The following NSUN4 variants were observed in gnomAD, a reference collection of about 807,000 sequenced individuals.
The protein encoded by NSUN4 is NOP2/Sun RNA methyltransferase 4.
Under a neutral mutation model 43.8 loss-of-function variants are expected in NSUN4, and 31 were observed. The ratio of observed to expected loss-of-function variants is 0.71; its 90% CI spans 0.53 to 0.96. The LOEUF is 0.96. NSUN4 is among the 40% of genes least tolerant of loss of function. The pLI is 0.00. For synonymous variants in NSUN4, 167 were observed against 184.1 expected, an observed-to-expected ratio of 0.91 and a Z score of 0.75; for missense variants, 439 against 475.6, an observed-to-expected ratio of 0.92 and a Z score of 0.72.
chr1:46,349,098 C>A (rs1162977060), intron 3 of NSUN4, among the ~76,000 whole-genome samples: 2 of 151,066 alleles, frequency 1.3e-5, no homozygotes, highest in Non-Finnish European at 2.9e-5. Context: ...CAGGTGTGAA[C>A]CACCGCGCCC....
the NSUN4 span, among the ~76,000 whole-genome samples, chr1:46,382,218 C>T: frequency 1.3e-5 from 2 of 152,212 alleles, no homozygotes; most frequent in Non-Finnish European, 2.9e-5. Context: ...CACCTCCACC[C>T]GGGAGCCCCT....
intron 1 of NSUN4, chr1:46,343,824 C>A: frequency 2.5e-6 from 1 of 400,346 alleles, no homozygotes; most frequent in Non-Finnish European, 4.4e-6. Flanking sequence ...GGAACCGGAG[C>A]AAGAGTCCCC....
chr1:46,371,252 C>T, the NSUN4 span, among the ~76,000 whole-genome samples: 83 of 150,912 alleles, frequency 5.5e-4, no homozygotes, highest in African/African-American at 1.9e-3. Context: ...CTCAGCCTTT[C>T]GAGTAGCTGG....
At chr1:46,353,137 C>G in intron 4 of NSUN4, 109 bp downstream of exon 4, 1 of 1,035,744 alleles carries the variant, frequency 9.7e-7, no homozygotes, top group South Asian at 1.5e-5. Flanking sequence ...GCATGTAGAG[C>G]TGTTTCTGGA....
At chr1:46,383,556 C>T in the NSUN4 span, among the ~76,000 whole-genome samples, 60 of 150,054 alleles carry the variant, frequency 4.0e-4, no homozygotes, top group Admixed American at 1.3e-3. Flanking sequence ...CCCGGGTTCA[C>T]GCCATTCTCC....
At chr1:46,374,289 C>CAA in the NSUN4 span, among the ~76,000 whole-genome samples, 8,378 of 42,774 alleles carry the variant, frequency 0.2, 900 homozygotes, top group Non-Finnish European at 0.28. Context: ...TCTGTCTCAC[C>CAA]AAAAAAAAAA....
At position 46,340,927 on chromosome 1, in the gene NSUN4, C is replaced by G; in HGVS notation, c.93+8C>G. The G allele has an allele frequency of 6.2e-7, 1 of 1,609,294 alleles. No homozygotes were observed. ...CGATATAAGAAGAAATGGGTAAGGT[C>G]CGGCTGGGGGCGCAGGAGGGAAAAG... On this transcript the variant is annotated splice_region_variant and intron_variant, in intron 1 of 5. Transcript: ENST00000474844.
At chr1:46,375,859 C>A in the NSUN4 span, among the ~76,000 whole-genome samples, 1 of 151,850 alleles carries the variant, frequency 6.6e-6, no homozygotes, top group Admixed American at 6.6e-5. Flanking sequence ...GTAATCCCAG[C>A]ACTTTGAGAG....
At chr1:46,378,172 G>T in the NSUN4 span, among the ~76,000 whole-genome samples, 1 of 151,364 alleles carries the variant, frequency 6.6e-6, no homozygotes, top group Non-Finnish European at 1.5e-5. Flanking sequence ...GATTACAGGT[G>T]TGAGCTACCA....
the NSUN4 span, among the ~76,000 whole-genome samples, chr1:46,377,191 A>G: frequency 1.3e-5 from 2 of 152,004 alleles, no homozygotes; most frequent in African/African-American, 4.8e-5. Flanking sequence ...CTGGGATTAC[A>G]GGTGTGTGCC....
At chr1:46,343,357 AC>A (rs1336842589) in intron 1 of NSUN4, 7 of 399,732 alleles carry the variant, frequency 1.8e-5, no homozygotes, top group Non-Finnish European at 1.3e-5. Flanking sequence ...GTCCGGGCCT[AC>A]CCTGATACTG....
At chr1:46,375,736 CAAAAAAA>C in the NSUN4 span, among the ~76,000 whole-genome samples, 3 of 69,902 alleles carry the variant, frequency 4.3e-5, no homozygotes, top group African/African-American at 6.4e-5. Context: ...GACTCTGTCT[CAAAAAAA>C]AAAAAAAAAA....
the NSUN4 span, among the ~76,000 whole-genome samples, chr1:46,372,442 C>T: frequency 1.1e-3 from 164 of 152,190 alleles, no homozygotes; most frequent in African/African-American, 3.8e-3. Context: ...TGCACCTGGC[C>T]GCCTTTTTAC....
chr1:46,367,288 G>A (rs151236848), downstream of NSUN4, among the ~76,000 whole-genome samples: 1 of 152,248 alleles, frequency 6.6e-6, no homozygotes, highest in Non-Finnish European at 1.5e-5. Flanking sequence ...AGCTATCCTT[G>A]ATGCAGTGAC....
chr1:46,353,768 C>T (rs958419014), intron 4 of NSUN4, among the ~76,000 whole-genome samples: 5 of 147,780 alleles, frequency 3.4e-5, no homozygotes, highest in Admixed American at 1.3e-4. Context: ...TGAGCCACTG[C>T]GCCCAGCCGG....
Position 46,352,907 on chromosome 1 carries a change from C to T in NSUN4, c.632C>T (p.Ala211Val), listed in dbSNP as rs200170006. 5.3e-5 allele frequency: 86 copies of T among 1,613,946 alleles called. No homozygotes were observed. Among genetic ancestry groups the T allele is most frequent in the Non-Finnish European group, 6.7e-5 (79 of 1,179,978 alleles). Residue 211 changes from alanine (A) to valine (V), a missense_variant, in exon 4 of 6, where the codon GCC becomes GTC. By Grantham distance (64) the Ala-to-Val change is moderately conservative. Transcript: ENST00000474844. ...AANDLSPSRI[A>V]RLQKILHSYV... ...AATGATCTCTCCCCGTCCCGAATAG[C>T]CAGACTACAGAAGATCCTTCACAGC...
At chr1:46,367,763 CTTTTTT>C (rs35109012), downstream of NSUN4, among the ~76,000 whole-genome samples, 6 of 124,620 alleles carry the variant, frequency 4.8e-5, no homozygotes, top group Non-Finnish European at 6.6e-5. Flanking sequence ...TCTGAAATTT[CTTTTTT>C]TTTTTTTTTT....
chr1:46,366,727 A>AAAGAAG (rs1553178524), downstream of NSUN4, among the ~76,000 whole-genome samples: 1 of 127,900 alleles, frequency 7.8e-6, no homozygotes. Context: ...AAAAAAAAAA[A>AAAGAAG]AAGTGGGTAG....
rs773358474 is a variant in NSUN4, at chr1:46,340,893, C to T, written c.67C>T (p.Arg23Trp). The T allele has an allele frequency of 2.5e-6, 4 of 1,613,314 alleles. No individual in the cohort carries two copies. The East Asian group carries it at 8.9e-5, about 36-fold the overall frequency. The change falls in exon 1 of 6, where the codon CGG becomes TGG. Residue 23 changes from arginine (R) to tryptophan (W), a missense_variant. Arg to Trp is a moderately radical substitution (Grantham distance 101). Transcript: ENST00000474844. ...GCGTGTGGACCTCGCGACGGTCCCG[C>T]GGAGACATCGATATAAGAAGAAATG... ...LKRVDLATVP[R>W]RHRYKKKWAA...
Sources: allele counts gnomAD v4.1 joint callset (sites outside exome capture counted in the v4.1 genomes callset), GRCh38; gene constraint gnomAD v4.1.1; transcripts MANE v1.5; gene names NCBI Gene and HGNC (gene_info 2026-07-23, HGNC 2026-07-21).